Variants in DPY19L3 observed in about 807,000 individuals in gnomAD.
DPY19L3 encodes protein C-mannosyl-transferase DPY19L3.
Under a neutral mutation model 92.3 loss-of-function variants are expected in DPY19L3, and 51 were observed. That is an observed-to-expected ratio of 0.55 (90% CI 0.44 to 0.70). The LOEUF (loss-of-function observed/expected upper bound fraction) is 0.70. Among genes scored for constraint, DPY19L3 ranks in the 30% least tolerant of loss-of-function variants. The probability of loss-of-function intolerance (pLI) is 0.00; values close to 1 mark genes in which losing one functional copy is unlikely to be tolerated. For missense variants in DPY19L3, 706 were observed against 855.9 expected (o/e 0.82, Z 2.18); for synonymous variants, 309 against 315.2 (o/e 0.98, Z 0.21).
intron 10 of DPY19L3, among the ~76,000 whole-genome samples, chr19:32,457,146 A>G (rs1230594825): frequency 1.3e-5 from 2 of 152,156 alleles, no homozygotes; most frequent in Non-Finnish European, 2.9e-5. Flanking sequence ...CTGGACCACC[A>G]TTTTTTGACT....
At position 32,421,322 on chromosome 19, in the gene DPY19L3, A is replaced by T. The variant is rs572876239; in HGVS notation, c.237+9950A>T. ...TTTGATGAAGGGGGCTGCCAAATCCAGTGGCACTCAGAAAGATGCTGAGAG... is the reference window on the plus strand; with the variant it reads ...TTTGATGAAGGGGGCTGCCAAATCCTGTGGCACTCAGAAAGATGCTGAGAG... On this transcript the variant is annotated intron_variant, in intron 3 of 18. Coordinates refer to ENST00000392250, the MANE Select transcript of DPY19L3 (RefSeq NM_001172774.2). Among the ~76,000 whole-genome samples the T allele has an allele frequency of 3.9e-5, 6 of 152,344 alleles. No individual in the cohort carries two copies. In the South Asian group the frequency reaches 8.3e-4, roughly 21 times the overall value.
At chr19:32,452,321 G>T (rs1468297712) in intron 8 of DPY19L3, among the ~76,000 whole-genome samples, 1 of 152,230 alleles carries the variant, frequency 6.6e-6, no homozygotes, top group East Asian at 1.9e-4. Flanking sequence ...TGTGCTGCCT[G>T]CTATGAAGCT....
intron 2 of DPY19L3, among the ~76,000 whole-genome samples, chr19:32,409,705 A>G (rs1363339281): frequency 6.6e-6 from 1 of 151,938 alleles, no homozygotes; most frequent in Non-Finnish European, 1.5e-5. Context: ...GTGTGTAGAG[A>G]TCACATGACC....
intron 8 of DPY19L3, among the ~76,000 whole-genome samples, chr19:32,447,802 CATAGATAGATAGATTAG>C (rs1029445470): frequency 7.0e-5 from 6 of 85,520 alleles, no homozygotes; most frequent in East Asian, 6.9e-4. Flanking sequence ...CCATCTCATT[CATAGATAGATAGATTAG>C]ATAGATAGAT....
At chr19:32,419,176 T>TG (rs1968477418) in intron 3 of DPY19L3, among the ~76,000 whole-genome samples, 2 of 151,752 alleles carry the variant, frequency 1.3e-5, no homozygotes, top group African/African-American at 4.8e-5. Flanking sequence ...TTTTTTTTTT[T>TG]TTGAGACAGA....
intron 16 of DPY19L3, among the ~76,000 whole-genome samples, chr19:32,473,431 A>G (rs550899171): frequency 6.6e-6 from 1 of 152,274 alleles, no homozygotes; most frequent in Non-Finnish European, 1.5e-5. Context: ...CACAGACTGT[A>G]TCAGGCAAGA....
chr19:32,477,559 A>G lies in DPY19L3; in HGVS notation c.1735A>G (p.Met579Val). Residue 579 changes from methionine (M) to valine (V), a missense_variant, in exon 17 of 19, where the codon ATG becomes GTG. Physicochemically the swap from Met to Val is conservative, Grantham distance 21. Transcript: ENST00000392250. ...TPRKAVFAGS[M>V]QLLAGVKLCT... ...AAGAAAGGCTGTGTTTGCGGGAAGCATGCAGTTGCTGGCCGGAGTCAAGCT... is the reference window on the plus strand; with the variant it reads ...AAGAAAGGCTGTGTTTGCGGGAAGCGTGCAGTTGCTGGCCGGAGTCAAGCT... 2.5e-6 allele frequency: 4 copies of G among 1,614,156 alleles called. No homozygotes were observed. The highest frequency in any genetic ancestry group is 3.4e-6 in the Non-Finnish European group (4 of 1,180,036).
chr19:32,411,119 A>G, intron 2 of DPY19L3, 120 bp from the exon 3 acceptor site: 1 of 1,022,670 alleles, frequency 9.8e-7, no homozygotes, highest in East Asian at 2.5e-5. Context: ...CGCTGGAGAC[A>G]GGAAAAGCTT....
chr19:32,437,241 C>T lies in DPY19L3; in HGVS notation c.498C>T (p.Leu166=). Residue 166 remains leucine (L), a synonymous_variant, in exon 6 of 19, where the codon CTC becomes CTT. Transcript: ENST00000392250. ...TTTATATTTACACCTTATTTGGGCT[C>T]CAGGCGATCTATGTCACAGCTCTCT... The part of the protein sequence containing the change: ...VYFYIYTLFG[L]QAIYVTALYI... The T allele has an allele frequency of 1.2e-6, 2 of 1,614,044 alleles. No individual in the cohort carries two copies. The highest frequency in any genetic ancestry group is 1.7e-6 in the Non-Finnish European group (2 of 1,180,010).
intron 7 of DPY19L3, among the ~76,000 whole-genome samples, chr19:32,439,439 T>C (rs962022893): frequency 6.6e-6 from 1 of 152,240 alleles, no homozygotes; most frequent in Non-Finnish European, 1.5e-5. Context: ...ATGTTAAAAA[T>C]GTACTCTACA....
In DPY19L3 at chr19:32,458,507, C is replaced by G. The variant is rs774657550; in HGVS notation, c.1320C>G (p.Leu440=). Residue 440 remains leucine, a splice_region_variant and synonymous_variant, in exon 12 of 19, where the codon CTC becomes CTG. Transcript: ENST00000392250. ...CATTCGTTGTTGCCTTTCATAATCT[C>G]AGGTATGGTATATTTCAGAAATCTA... ...IVAFVVAFHN[L]SDSTNQQSVG... 1 of 1,607,028 alleles carries G rather than the reference C, an allele frequency of 6.2e-7. No individual in the cohort carries two copies. Among genetic ancestry groups the G allele is most frequent in the African/African-American group, 1.3e-5 (1 of 74,576 alleles).
At chr19:32,442,077 T>G (rs950036947) in intron 8 of DPY19L3, among the ~76,000 whole-genome samples, 1 of 152,216 alleles carries the variant, frequency 6.6e-6, no homozygotes, top group Non-Finnish European at 1.5e-5. Context: ...TAACTTAGTT[T>G]CTTCATAAAT....
In DPY19L3 at chr19:32,439,094, G is replaced by A; in HGVS notation, c.597-18G>A. The A allele has an allele frequency of 6.3e-7, 1 of 1,588,674 alleles. No homozygotes were observed. The highest frequency in any genetic ancestry group is 8.6e-7 in the Non-Finnish European group (1 of 1,168,236). ...GTAAAAACTATCACTTTGGCCATTT[G>A]TGTTTTCTTTTGTGCAGAATAGATA... On this transcript the variant is annotated intron_variant, in intron 6 of 18. Transcript: ENST00000392250.
chr19:32,425,916 G>A (rs1324281276), intron 3 of DPY19L3, among the ~76,000 whole-genome samples: 1 of 152,202 alleles, frequency 6.6e-6, no homozygotes, highest in Middle Eastern at 3.2e-3. Context: ...ACGAGAGTCA[G>A]CCTATGCTCT....
chr19:32,458,566 A>G, intron 12 of DPY19L3, 57 bp downstream of exon 12: 2 of 1,540,054 alleles, frequency 1.3e-6, no homozygotes. Context: ...TCCATGTTGC[A>G]GAAAAATTGC....
Position 32,437,262 on chromosome 19 carries a change from TC to T in DPY19L3, c.520del (p.Leu174SerfsTer3). ...FGLQAIYVTALYITSWLLSGT... is the reference protein window; with the variant it reads ...FGLQAIYVTAXYITSWLLSGT... ...GGCTCCAGGCGATCTATGTCACAGC[TC>T]TCTACATAACCAGCTGGCTACTCAG... On this transcript the variant is annotated frameshift_variant, in exon 6 of 19. Transcript: ENST00000392250. LOFTEE classifies it high-confidence loss of function. The T allele has an allele frequency of 6.2e-7, 1 of 1,614,120 alleles. No individual in the cohort carries two copies. The highest frequency in any genetic ancestry group is 8.5e-7 in the Non-Finnish European group (1 of 1,180,010).
Position 32,480,466 on chromosome 19 carries a change from A to G in DPY19L3, c.1898A>G (p.Asp633Gly), listed in dbSNP as rs531427475. ...VHALLRSFGT[D>G]YVILEDSICY... ...GCCCTCCTAAGGTCCTTCGGCACTG[A>G]CTACGTAATCCTGGAAGACAGCATC... The change falls in exon 18 of 19, where the codon GAC (aspartate) becomes GGC (glycine). Residue 633 changes from aspartate (D) to glycine (G), a missense_variant. Physicochemically the swap from Asp to Gly is moderately conservative, Grantham distance 94. Coordinates refer to ENST00000392250, the MANE Select transcript of DPY19L3 (RefSeq NM_001172774.2). The G allele has an allele frequency of 9.9e-6, 16 of 1,614,166 alleles. No individual in the cohort carries two copies. The highest frequency in any genetic ancestry group is 6.7e-5 in the Admixed American group (4 of 60,010).
At chr19:32,467,589 A>AG in intron 15 of DPY19L3, 1 of 987,638 alleles carries the variant, frequency 1.0e-6, no homozygotes, top group Non-Finnish European at 1.2e-6. Flanking sequence ...GACCAAAAAA[A>AG]CAGTGATAGG....
intron 17 of DPY19L3, among the ~76,000 whole-genome samples, chr19:32,478,626 G>C (rs1251053992): frequency 6.6e-6 from 1 of 152,136 alleles, no homozygotes; most frequent in Admixed American, 6.5e-5. Flanking sequence ...CGGGGAGGGT[G>C]GTGCCCCTTT....
Sources: gnomAD v4.1 joint callset for allele counts (sites outside exome capture counted in the v4.1 genomes callset) on GRCh38, gnomAD v4.1.1 for gene constraint, MANE v1.5 for transcripts, NCBI Gene and HGNC (gene_info 2026-07-23, HGNC 2026-07-21) for gene names.